The following ITFG2 variants were observed in gnomAD, a reference collection of about 807,000 sequenced individuals.
ITFG2 encodes the protein integrin alpha FG-GAP repeat containing 2, also known as KICSTOR complex protein ITFG2.
In ITFG2, 36 loss-of-function variants were observed where a neutral mutation model predicts 54.4. The observed-to-expected ratio is 0.66, with a 90% confidence interval of 0.51 to 0.87. ITFG2 has a LOEUF of 0.87. ITFG2 is among the 40% of genes least tolerant of loss of function. ITFG2 has a pLI of 0.00. For synonymous variants in ITFG2, 211 were observed against 225.4 expected (o/e 0.94, Z 0.57); for missense variants, 524 against 576.7 (o/e 0.91, Z 0.94).
At chr12:2,820,901 T>TG in intron 6 of ITFG2, 29 bp downstream of exon 6, 2 of 1,608,730 alleles carry the variant, frequency 1.2e-6, no homozygotes, top group Non-Finnish European at 1.7e-6. Flanking sequence ...GTGGATGGTG[T>TG]GGGGGTGCAT....
chr12:2,850,721 G>A (rs1415077000), intron 2 of ITFG2, among the ~76,000 whole-genome samples: 1 of 151,444 alleles, frequency 6.6e-6, no homozygotes, highest in Non-Finnish European at 1.5e-5. Flanking sequence ...TGCCCAGGCC[G>A]GAGTGCAGTG....
chr12:2,841,136 T>C (rs11062377), intron 2 of ITFG2: 30,923 of 152,558 alleles, frequency 0.2, 3,816 homozygotes, highest in African/African-American at 0.34. Flanking sequence ...AACAACAGAC[T>C]GGCTGCAGTA....
At chr12:2,827,812 C>T, downstream of ITFG2, 1 of 1,602,630 alleles carries the variant, frequency 6.2e-7, no homozygotes, top group Non-Finnish European at 8.5e-7. This position sits in a 1 kb window ranked among gnomAD's most constrained non-coding sequence, Gnocchi z 4.0. Context: ...GGGGGATAGT[C>T]AGAACATCTC....
chr12:2,859,642 T>C (rs1406107190), exon 4 of ITFG2: 1 of 1,609,232 alleles, frequency 6.2e-7, no homozygotes, highest in South Asian at 1.1e-5. Flanking sequence ...AGAGGAGCTA[T>C]CCCCTCCTCA....
chr12:2,837,618 CAA>C (rs1407951584), intron 1 of ITFG2, among the ~76,000 whole-genome samples: 1 of 151,448 alleles, frequency 6.6e-6, no homozygotes, highest in Admixed American at 6.6e-5. Flanking sequence ...GCCTGGGCAA[CAA>C]GAGTGAAACT....
downstream of ITFG2, chr12:2,828,102 C>T: frequency 2.0e-6 from 3 of 1,489,266 alleles, no homozygotes; most frequent in Non-Finnish European, 2.8e-6. Flanking sequence ...GGTTCCACCC[C>T]ATTAATCAGC....
chr12:2,853,820 C>T (rs1423997700), intron 2 of ITFG2, among the ~76,000 whole-genome samples: 5 of 152,130 alleles, frequency 3.3e-5, no homozygotes, highest in South Asian at 2.1e-4. Flanking sequence ...GGGTTCACAG[C>T]GGCTCCTCTC....
intron 2 of ITFG2, among the ~76,000 whole-genome samples, chr12:2,852,931 C>T (rs968994027): frequency 3.3e-5 from 5 of 151,636 alleles, no homozygotes; most frequent in Admixed American, 6.6e-5. Flanking sequence ...ACCCAGGAGG[C>T]GGAGGTTGCA....
intron 2 of ITFG2, chr12:2,856,865 G>A: frequency 1.4e-6 from 1 of 694,118 alleles, no homozygotes; most frequent in Non-Finnish European, 2.6e-6. Flanking sequence ...GCAGTCTGCT[G>A]CCCAGAAGAA....
chr12:2,849,855 C>T (rs899888585), intron 2 of ITFG2, among the ~76,000 whole-genome samples: 1 of 152,202 alleles, frequency 6.6e-6, no homozygotes, highest in African/African-American at 2.4e-5. Flanking sequence ...TCCACTAATG[C>T]AGTGACAGTG....
intron 2 of ITFG2, chr12:2,855,536 C>T (rs1009006475): frequency 2.0e-5 from 20 of 998,114 alleles, no homozygotes; most frequent in Middle Eastern, 3.4e-4. Flanking sequence ...TTCCCAGGCA[C>T]GACCTCTGCC....
Position 2,824,188 on chromosome 12 carries a change from A to T in ITFG2, c.1339A>T (p.Thr447Ser). Residue 447 changes from threonine (T) to serine (S), a missense_variant, in exon 12 of 12, where the codon ACC (threonine) becomes TCC (serine). Physicochemically the swap from Thr to Ser is moderately conservative, Grantham distance 58 (BLOSUM62 1). Coordinates refer to ENST00000228799, the MANE Select transcript of ITFG2 (RefSeq NM_018463.4). ...TGCTCCCTCAAGCCTCCAGGATCCC[A>T]CCTAGCTGTACTTGCCTCATAGCTG... ...QCAPSSLQDP[T>S] 6.2e-7 allele frequency: 1 copy of T among 1,613,908 alleles called. No homozygotes were observed. The highest frequency in any genetic ancestry group is 8.5e-7 in the Non-Finnish European group (1 of 1,179,890).
chr12:2,855,927 C>T (rs1031476327), intron 2 of ITFG2, among the ~76,000 whole-genome samples: 1 of 152,094 alleles, frequency 6.6e-6, no homozygotes, highest in Non-Finnish European at 1.5e-5. Context: ...GGGGTTTTCC[C>T]ATCCCAGACT....
chr12:2,841,607 G>A (rs1339045492), intron 2 of ITFG2, among the ~76,000 whole-genome samples: 5 of 152,166 alleles, frequency 3.3e-5, no homozygotes, highest in Non-Finnish European at 4.4e-5. Flanking sequence ...TGGCCAATCT[G>A]AACTGAGATA....
At chr12:2,822,237 T>C (rs553874798) in intron 9 of ITFG2, among the ~76,000 whole-genome samples, 1 of 152,342 alleles carries the variant, frequency 6.6e-6, no homozygotes, top group South Asian at 2.1e-4. Context: ...TCTCTTTAGA[T>C]AGGTCTAAAT....
intron 2 of ITFG2, among the ~76,000 whole-genome samples, chr12:2,841,337 T>C (rs147708549): frequency 6.6e-5 from 10 of 152,338 alleles, no homozygotes; most frequent in African/African-American, 2.4e-4. Flanking sequence ...GTTCTCAGAC[T>C]CGCCAGAGGG....
downstream of ITFG2, among the ~76,000 whole-genome samples, chr12:2,828,815 C>G (rs2153925827): frequency 6.6e-6 from 1 of 152,264 alleles, no homozygotes; most frequent in South Asian, 2.1e-4. Flanking sequence ...ACACTCCAGC[C>G]TGGGCAACAA....
rs545440140 is a variant in ITFG2, at chr12:2,819,417, G to A, written c.407-669G>A. Among the ~76,000 whole-genome samples the A allele has an allele frequency of 3.6e-3, 551 of 151,820 alleles. 4 individuals are homozygous for A. The highest frequency in any genetic ancestry group is 0.012 in the African/African-American group (510 of 41,418). On this transcript the variant is annotated intron_variant, in intron 4 of 11. Coordinates refer to ENST00000228799, the MANE Select transcript of ITFG2 (RefSeq NM_018463.4). ...CAGGAGGCAGAGCTTGCAGTAAGCC[G>A]AAATCGCGCCACTGCACTCCAGCCT... is the stretch of plus-strand genomic sequence containing the variant.
chr12:2,819,021 A>G (rs1029177418), intron 4 of ITFG2, among the ~76,000 whole-genome samples: 5 of 152,020 alleles, frequency 3.3e-5, no homozygotes, highest in African/African-American at 1.2e-4. Flanking sequence ...CCAAAAAAAA[A>G]AAGAAAATAA....
Sources: allele counts gnomAD v4.1 joint callset (sites outside exome capture counted in the v4.1 genomes callset), GRCh38; gene constraint gnomAD v4.1.1; non-coding constraint Gnocchi (gnomAD v3.1); transcripts MANE v1.5; gene names NCBI Gene and HGNC (gene_info 2026-07-23, HGNC 2026-07-21).